PPL: variants seen among roughly 807,000 people sequenced by gnomAD.
The protein encoded by PPL is periplakin.
A neutral mutation model predicts 194.4 loss-of-function variants in PPL; 198 were observed. The observed-to-expected ratio is 1.02, with a 90% CI of 0.91 to 1.15. The LOEUF is 1.15. Among genes scored for constraint, PPL ranks in the 50% most tolerant of loss-of-function variants. PPL has a pLI of 0.00. For missense variants in PPL, 2,885 were observed against 2,294.8 expected (o/e 1.26, Z -5.25); for synonymous variants, 1,220 against 972.4 (o/e 1.25, Z -4.74).
rs2088368201 is a variant in PPL at position 4,893,859 on chromosome 16, A to C, written c.1395-221T>G. 7.0e-6 allele frequency: 4 copies of C among 572,652 alleles called. No individual in the cohort carries two copies. In the Admixed American group the frequency reaches 9.6e-5, roughly 14 times the overall value. The allele number at this position is 572,652 out of a possible 1,614,324, so 35.5% of individuals were successfully genotyped here. ...TCTTTCGTAGGAAGTCTCACTACCT[A>C]AAATTGTCTGTCCAATAATCACCAC... On this transcript the variant is annotated intron_variant, in intron 12 of 21. Transcript: ENST00000345988.
At chr16:4,926,111 C>T (rs1389866812) in intron 1 of PPL, among the ~76,000 whole-genome samples, 5 of 152,150 alleles carry the variant, frequency 3.3e-5, no homozygotes, top group Admixed American at 1.3e-4. Context: ...ACCCTAGCAC[C>T]GGAAGCAGGT....
chr16:4,909,269 T>C (rs1596566822), intron 2 of PPL, among the ~76,000 whole-genome samples: 1 of 152,088 alleles, frequency 6.6e-6, no homozygotes, highest in Non-Finnish European at 1.5e-5. Flanking sequence ...TTGGCTGCTG[T>C]GGACAGGCCT....
chr16:4,888,921 G>A, intron 19 of PPL, 57 bp downstream of exon 19: 1 of 1,536,072 alleles, frequency 6.5e-7, no homozygotes. Flanking sequence ...TCTGACCAGG[G>A]CACGGTGGAA....
chr16:4,921,577 G>A (rs1246702193), intron 1 of PPL, among the ~76,000 whole-genome samples: 1 of 151,888 alleles, frequency 6.6e-6, no homozygotes, highest in Non-Finnish European at 1.5e-5. Context: ...AGCAATTCTC[G>A]TGCCTCAGCC....
In PPL at chr16:4,884,907, G is replaced by C; in HGVS notation, c.3748C>G (p.Arg1250Gly). ...TTGTCCACGATCTCCTCCCTGAGCC[G>C]CTGAAGCTCCTTCTCCATCTCAGGG... ...TDPEMEKELQ[R>G]LREEIVDKTR... The change falls in exon 22 of 22, where the codon CGG becomes GGG. Residue 1250 changes from arginine (R) to glycine (G), a missense_variant. Arg to Gly is a moderately radical substitution (Grantham distance 125). Coordinates refer to ENST00000345988, the MANE Select transcript of PPL (RefSeq NM_002705.5). The surrounding 1 kb of genome is among the most constrained non-coding windows in gnomAD (Gnocchi z 5.7). The C allele has an allele frequency of 6.2e-7, 1 of 1,614,074 alleles. No homozygotes were observed. Among genetic ancestry groups the C allele is most frequent in the Non-Finnish European group, 8.5e-7 (1 of 1,180,024 alleles).
chr16:4,897,262 G>T (rs1382159133), intron 9 of PPL, among the ~76,000 whole-genome samples: 1 of 147,424 alleles, frequency 6.8e-6, no homozygotes. Context: ...TTGAACCCAG[G>T]AGGTGGAGGT....
At chr16:4,918,718 C>T (rs1344773223) in intron 1 of PPL, among the ~76,000 whole-genome samples, 3 of 152,194 alleles carry the variant, frequency 2.0e-5, no homozygotes, top group Non-Finnish European at 2.9e-5. Flanking sequence ...ACAGTCTCAG[C>T]GTTTTTGCCC....
chr16:4,911,033 G>T, intron 1 of PPL, 84 bp from the exon 2 acceptor site: 1 of 1,148,056 alleles, frequency 8.7e-7, no homozygotes, highest in Non-Finnish European at 1.3e-6. Flanking sequence ...CCTCTGGCTG[G>T]CCCCGGCCCC....
intron 10 of PPL, 60 bp downstream of exon 10, chr16:4,895,534 G>A: frequency 5.6e-6 from 9 of 1,611,248 alleles, no homozygotes; most frequent in Non-Finnish European, 7.6e-6. Flanking sequence ...CTGAGGGCAG[G>A]CATGGTGTAG....
At chr16:4,889,668 T>G (rs190924155) in intron 18 of PPL, among the ~76,000 whole-genome samples, 70 of 152,304 alleles carry the variant, frequency 4.6e-4, no homozygotes, top group African/African-American at 1.6e-3. Context: ...CTGTCTGACT[T>G]AGATTATCTC....
chr16:4,898,794 C>T (rs1406689085), intron 8 of PPL, among the ~76,000 whole-genome samples: 1 of 152,240 alleles, frequency 6.6e-6, no homozygotes, highest in African/African-American at 2.4e-5. Context: ...ACAGACCCCA[C>T]AGGGGCTTCA....
In PPL at chr16:4,885,001, G is replaced by A. The variant is rs1331774004; in HGVS notation, c.3654C>T (p.Ala1218=). The stretch of plus-strand genomic sequence containing the variant: ...CCACCTGGGGGCCTCGCCTCCTGAG[G>A]GCCTCCAGCTCACTCTGGTAGCTCC... ...QLRSYQSELE[A]LRRRGPQVEV... is the part of the protein sequence containing the mutation. Residue 1218 remains alanine (A), a synonymous_variant, in exon 22 of 22, where the codon GCC becomes GCT. Transcript: ENST00000345988. The surrounding 1 kb of genome is among the most constrained non-coding windows in gnomAD (Gnocchi z 6.3). 6.2e-7 allele frequency: 1 copy of A among 1,613,906 alleles called. No individual in the cohort carries two copies. Among genetic ancestry groups the A allele is most frequent in the East Asian group, 2.2e-5 (1 of 44,866 alleles).
In PPL at chr16:4,885,988, C is replaced by T. The variant is rs1459667060; in HGVS notation, c.2667G>A (p.Val889=). Residue 889 remains valine, a synonymous_variant, in exon 22 of 22, where the codon GTG becomes GTA. Transcript: ENST00000345988. This position sits in a 1 kb window ranked among gnomAD's most constrained non-coding sequence, Gnocchi z 6.3. The part of the protein sequence containing the change: ...TLQRNRPDSG[V]EEAWKIRKEL... ...CCTTCCTGATCTTCCACGCCTCCTC[C>T]ACTCCAGAGTCCGGCCTATTCCTTT... 2.5e-6 allele frequency: 4 copies of T among 1,613,858 alleles called. No individual in the cohort carries two copies. The African/African-American group carries it at 4.0e-5, about 16-fold the overall frequency.
chr16:4,910,437 A>C (rs886262452), intron 2 of PPL, among the ~76,000 whole-genome samples: 5 of 152,136 alleles, frequency 3.3e-5, no homozygotes, highest in African/African-American at 9.7e-5. Flanking sequence ...CACTTGTCCA[A>C]GGTCACCCAG....
At position 4,885,599 on chromosome 16, in the gene PPL, G is replaced by T. The variant is rs769989370; in HGVS notation, c.3056C>A (p.Ala1019Glu). The T allele has an allele frequency of 7.4e-6, 12 of 1,611,864 alleles. No individual in the cohort carries two copies. In the South Asian group the frequency reaches 1.3e-4, roughly 18 times the overall value. Residue 1019 changes from alanine to glutamate, a missense_variant, in exon 22 of 22, where the codon GCA (alanine) becomes GAA (glutamate). Coordinates refer to ENST00000345988, the MANE Select transcript of PPL (RefSeq NM_002705.5). The surrounding 1 kb of genome is among the most constrained non-coding windows in gnomAD (Gnocchi z 6.3). ...CCGGGCGCCCTTCTGCCGCCTCAGT[G>T]CCTCCAGCTCCTCCCGCAGCTGCAA... ...EVLQLREELE[A>E]LRRQKGAREA... is the part of the protein sequence containing the mutation.
rs557820272 is a variant in PPL, at chr16:4,910,868, T to C, written c.144A>G (p.Thr48=). 2 of 1,613,964 alleles carry C rather than the reference T, an allele frequency of 1.2e-6. No homozygotes were observed. Among genetic ancestry groups the C allele is most frequent in the Admixed American group, 1.7e-5 (1 of 60,026 alleles). The change falls in exon 2 of 22, where the codon ACA becomes ACG. Residue 48 remains threonine, a synonymous_variant. Coordinates refer to ENST00000345988, the MANE Select transcript of PPL (RefSeq NM_002705.5). ...ADQVEKNIVD[T]EAKMQSDLAR... is the part of the protein sequence containing the mutation. ...CACTCACACTCTGCATCTTGGCCTC[T>C]GTGTCCACGATGTTCTTCTCCACCT... is the stretch of plus-strand genomic sequence containing the variant.
intron 20 of PPL, 82 bp downstream of exon 20, chr16:4,888,020 G>A: frequency 1.0e-6 from 1 of 974,412 alleles, no homozygotes; most frequent in Non-Finnish European, 1.6e-6. Context: ...TCTGAGGCCA[G>A]CGTGTGACAC....
At chr16:4,912,257 C>T (rs7205744) in intron 1 of PPL, among the ~76,000 whole-genome samples, 26,134 of 152,226 alleles carry the variant, frequency 0.17, 2,557 homozygotes, top group East Asian at 0.28. Context: ...CTTTTTCTCT[C>T]TATGGATTTG....
In PPL at chr16:4,893,243, C is replaced by G. The variant is rs773180363; in HGVS notation, c.1620G>C (p.Gln540His). 5 of 1,589,078 alleles carry G rather than the reference C, an allele frequency of 3.1e-6. No homozygotes were observed. In the South Asian group the frequency reaches 3.4e-5, roughly 11 times the overall value. The part of the protein sequence containing the change: ...RPPLEQGRAV[Q>H]DSAERAKDLK... ...GGTCCTTGGCCCGCTCGGCACTGTC[C>G]TGCACAGCCCGGCCTTGCTCCAGTG... The change falls in exon 14 of 22, where the codon CAG (glutamine) becomes CAC (histidine). Residue 540 changes from glutamine (Q) to histidine (H), a missense_variant. Gln to His is a conservative substitution (Grantham distance 24). Transcript: ENST00000345988.
Sources: gnomAD v4.1 joint callset for allele counts (sites outside exome capture counted in the v4.1 genomes callset) on GRCh38, gnomAD v4.1.1 for gene constraint, Gnocchi (gnomAD v3.1) non-coding constraint, MANE v1.5 for transcripts, NCBI Gene and HGNC (gene_info 2026-07-23, HGNC 2026-07-21) for gene names.